The following IL1RAP variants were observed in gnomAD, a reference collection of about 807,000 sequenced individuals.
IL1RAP encodes the protein interleukin 1 receptor accessory protein.
IL1RAP carries 35 observed loss-of-function variants against 60.7 expected under a neutral mutation model. The observed-to-expected ratio is 0.58, with a 90% CI of 0.44 to 0.76. The LOEUF (loss-of-function observed/expected upper bound fraction) is 0.76, where lower values mean the gene tolerates loss of function less well. Among genes scored for constraint, IL1RAP ranks in the 30% least tolerant of loss-of-function variants. The probability of loss-of-function intolerance (pLI) is 0.00; values close to 1 mark genes in which losing one functional copy is unlikely to be tolerated. For missense variants in IL1RAP, 572 were observed against 693.9 expected (o/e 0.82, Z 1.97); for synonymous variants, 268 against 250.9 (o/e 1.07, Z -0.64).
intron 3 of IL1RAP, among the ~76,000 whole-genome samples, chr3:190,599,701 G>GTT (rs1191544633): frequency 0.067 from 9,049 of 134,938 alleles, 391 homozygotes; most frequent in East Asian, 0.14. Flanking sequence ...GGTATTTTGG[G>GTT]TTTTTTTTTT....
chr3:190,572,961 TCACGCCATTCTCCTGCCTCAGCCTCCCG>T (rs1270659595), intron 3 of IL1RAP, among the ~76,000 whole-genome samples: 6 of 59,894 alleles, frequency 1.0e-4, no homozygotes, highest in African/African-American at 3.9e-4. Flanking sequence ...CCTCCCGGGT[TCACGCCATTCTCCTGCCTCAGCCTCCCG>T]AGTAGCTGGG....
At chr3:190,540,220 A>G (rs1723811652) in intron 1 of IL1RAP, among the ~76,000 whole-genome samples, 1 of 151,982 alleles carries the variant, frequency 6.6e-6, no homozygotes, top group Non-Finnish European at 1.5e-5. Context: ...TGTTTTTCCC[A>G]TTCACATATC....
At position 190,650,940 on chromosome 3, in the gene IL1RAP, G is replaced by A; in HGVS notation, c.*2235G>A. The stretch of plus-strand genomic sequence containing the variant: ...CCATATTTATCCCAAATGCTGTTGG[G>A]CACCCCTAGAAATACCTTGATGTTT... On this transcript the variant is annotated 3_prime_UTR_variant, in exon 12 of 12. Coordinates refer to ENST00000447382, the MANE Select transcript of IL1RAP (RefSeq NM_002182.4). 2 of 985,206 alleles carry A rather than the reference G, an allele frequency of 2.0e-6. No homozygotes were observed. The highest frequency in any genetic ancestry group is 2.4e-6 in the Non-Finnish European group (2 of 829,816). 61.0% of individuals were successfully genotyped at this position (985,206 alleles called of 1,614,324 possible). A position where few individuals can be genotyped will look rare whatever the true frequency, so the allele number is the denominator to read the frequency against.
intron 2 of IL1RAP, among the ~76,000 whole-genome samples, chr3:190,556,907 A>G (rs1725479516): frequency 6.6e-6 from 1 of 152,204 alleles, no homozygotes. Flanking sequence ...TAAGCACTTT[A>G]CAGCAATTGT....
At chr3:190,608,378 A>G (rs1171998867) in intron 4 of IL1RAP, among the ~76,000 whole-genome samples, 3 of 152,190 alleles carry the variant, frequency 2.0e-5, no homozygotes, top group Admixed American at 6.5e-5. Context: ...TAGAAAAGAC[A>G]CAGTTAACAT....
chr3:190,654,606 AAAAAC>A (rs1734546443), downstream of IL1RAP, among the ~76,000 whole-genome samples: 1 of 152,204 alleles, frequency 6.6e-6, no homozygotes, highest in African/African-American at 2.4e-5. Flanking sequence ...ACTGATTGAA[AAAAAC>A]AAAACTATAA....
chr3:190,594,149 G>C (rs547499427), intron 3 of IL1RAP, among the ~76,000 whole-genome samples: 1 of 152,310 alleles, frequency 6.6e-6, no homozygotes, highest in East Asian at 1.9e-4. Flanking sequence ...GGGATTACCT[G>C]GGGATTGTTA....
chr3:190,521,696 T>G (rs1263482208), intron 1 of IL1RAP, among the ~76,000 whole-genome samples: 1 of 151,692 alleles, frequency 6.6e-6, no homozygotes, highest in Non-Finnish European at 1.5e-5. Flanking sequence ...TTTATGTCCT[T>G]AAGGATGTGA....
Position 190,553,435 on chromosome 3 carries a change from A to G in IL1RAP, c.-88-2695A>G, listed in dbSNP as rs1311598227. ...CTGACCTGATGGAGAAAAGGAAAGA[A>G]AAAAATTTTTTTTAATGCCTGGGAA... On this transcript the variant is annotated intron_variant, in intron 1 of 11. Coordinates refer to ENST00000447382, the MANE Select transcript of IL1RAP (RefSeq NM_002182.4). Among the ~76,000 whole-genome samples, 35 of 152,216 alleles carry G rather than the reference A, an allele frequency of 2.3e-4. 1 individual carries two copies. Among genetic ancestry groups the G allele is most frequent in the Non-Finnish European group, 1.5e-5 (1 of 68,040 alleles).
intron 3 of IL1RAP, among the ~76,000 whole-genome samples, chr3:190,601,315 A>AT (rs1160856628): frequency 6.6e-6 from 1 of 152,244 alleles, no homozygotes; most frequent in Non-Finnish European, 1.5e-5. Context: ...TATAAACTGA[A>AT]TAAGCGAACT....
In IL1RAP at chr3:190,648,456, A is replaced by G. The variant is rs1734191197; in HGVS notation, c.1464A>G (p.Glu488=). Residue 488 remains glutamate (E), a synonymous_variant, in exon 12 of 12, where the codon GAA becomes GAG. Coordinates refer to ENST00000447382, the MANE Select transcript of IL1RAP (RefSeq NM_002182.4). ...QALLELKAGL[E]NMASRGNINV... ...TCCTGGAGCTCAAGGCTGGCCTAGAAAATATGGCCTCTCGGGGCAACATCA... is the reference window on the plus strand; with the variant it reads ...TCCTGGAGCTCAAGGCTGGCCTAGAGAATATGGCCTCTCGGGGCAACATCA... The G allele has an allele frequency of 6.2e-7, 1 of 1,614,062 alleles. No individual in the cohort carries two copies. Among genetic ancestry groups the G allele is most frequent in the Non-Finnish European group, 8.5e-7 (1 of 1,180,032 alleles).
Position 190,649,797 on chromosome 3 carries a change from C to T in IL1RAP, c.*1092C>T, listed in dbSNP as rs528553874. The T allele has an allele frequency of 3.9e-4, 380 of 984,986 alleles. 4 individuals carry two copies. In the South Asian group the frequency reaches 0.012, roughly 32 times the overall value. 61.0% of individuals were successfully genotyped at this position (984,986 alleles called of 1,614,324 possible). A position where few individuals can be genotyped will look rare whatever the true frequency, so the allele number is the denominator to read the frequency against. On this transcript the variant is annotated 3_prime_UTR_variant, in exon 12 of 12. Transcript: ENST00000447382. ...CACTAGTGCAGGAAATATACTTGCT[C>T]CAAATAAGTCAGTATGAGAAGTCAC...
At position 190,629,433 on chromosome 3, in the gene IL1RAP, G is replaced by T; in HGVS notation, c.986G>T (p.Ser329Ile). The T allele has an allele frequency of 1.2e-6, 2 of 1,613,888 alleles. No homozygotes were observed. Among genetic ancestry groups the T allele is most frequent in the Non-Finnish European group, 1.7e-6 (2 of 1,179,876 alleles). Reference protein sequence around the residue: ...KKVTSEDLKRSYVCHARSAKG... With the variant: ...KKVTSEDLKRIYVCHARSAKG... Reference sequence around the variant, plus strand: ...GTTACCTCTGAGGATCTCAAGCGCAGCTATGTCTGTCATGCTAGAAGTGCC... The same window carrying T: ...GTTACCTCTGAGGATCTCAAGCGCATCTATGTCTGTCATGCTAGAAGTGCC... Residue 329 changes from serine (S) to isoleucine (I), a missense_variant, in exon 9 of 12, where the codon AGC becomes ATC. By Grantham distance (142) the Ser-to-Ile change is moderately radical. Coordinates refer to ENST00000447382, the MANE Select transcript of IL1RAP (RefSeq NM_002182.4).
At chr3:190,572,903 G>A (rs1230905434) in intron 3 of IL1RAP, among the ~76,000 whole-genome samples, 3 of 35,796 alleles carry the variant, frequency 8.4e-5, no homozygotes, top group Admixed American at 3.7e-4. Context: ...TCGCTCTGTC[G>A]CCCAGGCTGG....
chr3:190,551,896 A>G (rs943976902), intron 1 of IL1RAP, among the ~76,000 whole-genome samples: 3 of 152,242 alleles, frequency 2.0e-5, no homozygotes, highest in African/African-American at 7.2e-5. Context: ...TTGATAGCAT[A>G]TACTCAGATA....
intron 3 of IL1RAP, among the ~76,000 whole-genome samples, chr3:190,571,719 T>C (rs998400279): frequency 1.3e-5 from 2 of 152,236 alleles, no homozygotes; most frequent in Non-Finnish European, 2.9e-5. Flanking sequence ...TTAGATTCAC[T>C]GTTATCACTT....
In IL1RAP at chr3:190,623,515, A is replaced by C. The variant is rs1577756220; in HGVS notation, c.775+100A>C. On this transcript the variant is annotated intron_variant, in intron 7 of 11. Coordinates refer to ENST00000447382, the MANE Select transcript of IL1RAP (RefSeq NM_002182.4). Reference sequence around the variant, plus strand: ...GCAAGAAAATAGACGACTGTTGTAGAGAAACACATGAATTGAAACTGAAAT... The same window carrying C: ...GCAAGAAAATAGACGACTGTTGTAGCGAAACACATGAATTGAAACTGAAAT... 4.0e-5 allele frequency: 35 copies of C among 875,652 alleles called. No individual in the cohort carries two copies. In the East Asian group the frequency reaches 8.6e-4, roughly 22 times the overall value. The allele number at this position is 875,652 out of a possible 1,614,324, so 54.2% of individuals were successfully genotyped here. A position where few individuals can be genotyped will look rare whatever the true frequency, so the allele number is the denominator to read the frequency against.
At chr3:190,594,526 T>G (rs1729215851) in intron 3 of IL1RAP, among the ~76,000 whole-genome samples, 3 of 152,184 alleles carry the variant, frequency 2.0e-5, no homozygotes, top group African/African-American at 7.2e-5. Context: ...CCAGTGTCTC[T>G]CAAGGAAGAT....
chr3:190,517,259 C>A (rs1476718010), intron 1 of IL1RAP, among the ~76,000 whole-genome samples: 4 of 152,202 alleles, frequency 2.6e-5, no homozygotes, highest in African/African-American at 9.6e-5. Context: ...ACATAAAGTA[C>A]AGAATTATAT....
Sources: allele counts gnomAD v4.1 joint callset (sites outside exome capture counted in the v4.1 genomes callset), GRCh38; gene constraint gnomAD v4.1.1; transcripts MANE v1.5; gene names NCBI Gene and HGNC (gene_info 2026-07-23, HGNC 2026-07-21).